Variants in NIPAL3 observed in about 807,000 individuals in gnomAD.
NIPAL3 encodes the protein NIPA like domain containing 3.
Under a neutral mutation model 47.2 loss-of-function variants are expected in NIPAL3, and 41 were observed. The ratio of observed to expected loss-of-function variants is 0.87; its 90% confidence interval spans 0.68 to 1.13. The LOEUF (loss-of-function observed/expected upper bound fraction) is 1.13. Ranked by LOEUF, NIPAL3 falls within the 50% of genes most tolerant of loss-of-function variation. NIPAL3 has a pLI of 0.00. For synonymous variants in NIPAL3, 194 were observed against 209.6 expected (o/e 0.93, Z 0.64); for missense variants, 449 against 530.1 (o/e 0.85, Z 1.50).
At chr1:24,440,078 G>A (rs1645302860) in intron 2 of NIPAL3, 94 bp from the exon 3 acceptor site, 1 of 755,752 alleles carries the variant, frequency 1.3e-6, no homozygotes, top group Admixed American at 3.2e-5. Flanking sequence ...TTCTGGTTTT[G>A]TTTTGGGGCA....
intron 3 of NIPAL3, 135 bp from the exon 4 acceptor site, chr1:24,441,920 T>C (rs533022187): frequency 1.3e-6 from 1 of 791,446 alleles, no homozygotes; most frequent in East Asian, 2.6e-5. Context: ...TACTCTTCTC[T>C]GAGTCAGGAC....
At chr1:24,458,579 G>A (rs6675235) in intron 8 of NIPAL3, among the ~76,000 whole-genome samples, 22,693 of 151,884 alleles carry the variant, frequency 0.15, 2,071 homozygotes, top group East Asian at 0.3. Context: ...TGGGGATACG[G>A]GGGGTGAGGA....
chr1:24,461,542 CAAAA>C (rs59058886), intron 10 of NIPAL3, among the ~76,000 whole-genome samples: 2 of 98,754 alleles, frequency 2.0e-5, no homozygotes, highest in Non-Finnish European at 4.3e-5. Flanking sequence ...AATTCCGTCT[CAAAA>C]AAAAAAAAAA....
chr1:24,453,623 G>T (rs1570341455), intron 7 of NIPAL3, 119 bp downstream of exon 7: 5 of 798,004 alleles, frequency 6.3e-6, no homozygotes, highest in African/African-American at 5.2e-5. Flanking sequence ...ACTGGCTGAG[G>T]TTGTTCTGTC....
chr1:24,432,189 G>A (rs1231680021), intron 2 of NIPAL3, among the ~76,000 whole-genome samples: 1 of 152,132 alleles, frequency 6.6e-6, no homozygotes, highest in African/African-American at 2.4e-5. Flanking sequence ...GAGGGCAATG[G>A]CACAACCTCG....
At chr1:24,428,616 A>T (rs1489239232) in intron 2 of NIPAL3, among the ~76,000 whole-genome samples, 1 of 152,168 alleles carries the variant, frequency 6.6e-6, no homozygotes, top group Admixed American at 6.5e-5. Context: ...CCTAAAAATG[A>T]CAGTTTCTCC....
chr1:24,420,612 A>G (rs1415101260), intron 2 of NIPAL3, among the ~76,000 whole-genome samples: 1 of 152,068 alleles, frequency 6.6e-6, no homozygotes. Flanking sequence ...TTTTTCTAGT[A>G]TTATAAATTT....
intron 11 of NIPAL3, chr1:24,465,890 G>T: frequency 7.2e-7 from 1 of 1,388,344 alleles, no homozygotes; most frequent in Non-Finnish European, 9.4e-7. Flanking sequence ...TGACCTGGTG[G>T]CAGGTAGAAC....
intron 8 of NIPAL3, chr1:24,457,652 G>A: frequency 2.1e-6 from 1 of 474,910 alleles, no homozygotes; most frequent in Non-Finnish European, 4.3e-6. Flanking sequence ...AGGCTAGAAA[G>A]TGGCGGAGCT....
At chr1:24,446,544 G>T (rs1448318778) in intron 5 of NIPAL3, among the ~76,000 whole-genome samples, 1 of 151,466 alleles carries the variant, frequency 6.6e-6, no homozygotes, top group Non-Finnish European at 1.5e-5. Context: ...TTCTGTTCCT[G>T]CATTAGTTTG....
At chr1:24,434,821 A>G (rs750560817) in intron 2 of NIPAL3, among the ~76,000 whole-genome samples, 6 of 152,210 alleles carry the variant, frequency 3.9e-5, no homozygotes, top group Non-Finnish European at 8.8e-5. Flanking sequence ...ACATGTATAA[A>G]TTTAACAACA....
chr1:24,464,156 CATATAGA>C (rs1285957304), intron 11 of NIPAL3, 36 bp downstream of exon 11: 2 of 1,515,130 alleles, frequency 1.3e-6, no homozygotes, highest in Non-Finnish European at 9.1e-7. Context: ...GCTGAACATC[CATATAGA>C]ATGACTGCTA....
chr1:24,440,165 C>A lies in NIPAL3; in HGVS notation c.94-7C>A. The A allele has an allele frequency of 6.3e-7, 1 of 1,578,028 alleles. No homozygotes were observed. The highest frequency in any genetic ancestry group is 8.6e-7 in the Non-Finnish European group (1 of 1,162,602). On this transcript the variant is annotated splice_region_variant and splice_polypyrimidine_tract_variant and intron_variant, in intron 2 of 11. Coordinates refer to ENST00000374399, the MANE Select transcript of NIPAL3 (RefSeq NM_020448.5). ...ATCATGTCCACTCCTGTGAACTTTC[C>A]TTACAGGAAAACCTGATTGGCGCCC...
chr1:24,438,922 T>G (rs538079409), intron 2 of NIPAL3, among the ~76,000 whole-genome samples: 1 of 152,304 alleles, frequency 6.6e-6, no homozygotes, highest in African/African-American at 2.4e-5. Context: ...GCAATTCCAC[T>G]TACAAGAATT....
Position 24,419,459 on chromosome 1 carries a change from A to T in NIPAL3, c.-89A>T. The T allele has an allele frequency of 6.9e-7, 1 of 1,441,254 alleles. No individual in the cohort carries two copies. The highest frequency in any genetic ancestry group is 9.1e-7 in the Non-Finnish European group (1 of 1,093,894). 89.3% of individuals were successfully genotyped at this position (1,441,254 alleles called of 1,614,324 possible). A position where few individuals can be genotyped will look rare whatever the true frequency, so the allele number is the denominator to read the frequency against. On this transcript the variant is annotated 5_prime_UTR_variant, in exon 2 of 12. Transcript: ENST00000374399. ...CGGCTGCTGGAGGGAGGTGAACACC[A>T]CAAGGAGAGATGGCATCTGGCCTGG... is the stretch of plus-strand genomic sequence containing the variant.
chr1:24,442,202 C>A lies in NIPAL3; in HGVS notation c.310C>A (p.Pro104Thr). 2 of 1,614,036 alleles carry A rather than the reference C, an allele frequency of 1.2e-6. No homozygotes were observed. The highest frequency in any genetic ancestry group is 1.7e-6 in the Non-Finnish European group (2 of 1,180,000). ...YAFAPLSLIV[P>T]LSAVSVIASA... The stretch of plus-strand genomic sequence containing the variant: ...CTTCGCGCCGCTGTCACTCATCGTG[C>A]CCCTCAGCGCAGTTTCTGTGATAGG... The change falls in exon 4 of 12, where the codon CCC (proline) becomes ACC (threonine). Residue 104 changes from proline (P) to threonine (T), a missense_variant. Coordinates refer to ENST00000374399, the MANE Select transcript of NIPAL3 (RefSeq NM_020448.5).
rs144841367 is a variant in NIPAL3, at chr1:24,455,800, T to C, written c.638-338T>C. On this transcript the variant is annotated intron_variant, in intron 7 of 11. Coordinates refer to ENST00000374399, the MANE Select transcript of NIPAL3 (RefSeq NM_020448.5). ...TGGTAAGTTCGTTGATCCACTCGGA[T>C]CCTTTTGGCCACAGTGCTGGGCACT... Among the ~76,000 whole-genome samples, 533 of 152,344 alleles carry C rather than the reference T, an allele frequency of 3.5e-3. 4 individuals are homozygous for C. The highest frequency in any genetic ancestry group is 0.012 in the African/African-American group (500 of 41,590).
chr1:24,464,244 T>A (rs1646604367), intron 11 of NIPAL3, 124 bp downstream of exon 11: 1 of 703,798 alleles, frequency 1.4e-6, no homozygotes, highest in South Asian at 3.2e-5. Flanking sequence ...CTCACTGTCT[T>A]TTTTCTTTTC....
intron 2 of NIPAL3, among the ~76,000 whole-genome samples, chr1:24,439,418 T>C (rs1319880703): frequency 6.6e-6 from 1 of 152,162 alleles, no homozygotes; most frequent in African/African-American, 2.4e-5. Flanking sequence ...AACATTTCCA[T>C]TGATATGTAA....
Sources: allele counts gnomAD v4.1 joint callset (sites outside exome capture counted in the v4.1 genomes callset), GRCh38; gene constraint gnomAD v4.1.1; transcripts MANE v1.5; gene names NCBI Gene and HGNC (gene_info 2026-07-23, HGNC 2026-07-21).